Variants in ZNF28 observed in about 807,000 individuals in gnomAD.
ZNF28 encodes zinc finger protein KOX24.
In ZNF28, 5 loss-of-function variants were observed where a neutral mutation model predicts 7.2. That is an observed-to-expected ratio of 0.70 (90% CI 0.36 to 1.46). The LOEUF is 1.46. Ranked by LOEUF, ZNF28 falls within the 40% of genes most tolerant of loss-of-function variation. ZNF28 has a pLI of 0.03. For missense variants in ZNF28, 879 were observed against 866.6 expected (o/e 1.01, Z -0.18); for synonymous variants, 288 against 292.4 (o/e 0.99, Z 0.15).
At chr19:52,817,855 A>G (rs1476200232) in intron 2 of ZNF28, 89 bp downstream of exon 2, 6 of 1,593,420 alleles carry the variant, frequency 3.8e-6, no homozygotes, top group African/African-American at 2.7e-5. Context: ...CAGGCAGGAC[A>G]CTTCAGACTC....
In ZNF28 at chr19:52,815,762, T is replaced by G. The variant is rs529314143; in HGVS notation, c.15+2182A>C. ...ATGGTGTGAACCCAGGAGGCGGAGCTTGCAGTGAGCCGAGATTGCACCACT... is the reference window on the plus strand; with the variant it reads ...ATGGTGTGAACCCAGGAGGCGGAGCGTGCAGTGAGCCGAGATTGCACCACT... On this transcript the variant is annotated intron_variant, in intron 2 of 3. Transcript: ENST00000457749. Among the ~76,000 whole-genome samples, 107 of 146,092 alleles carry G rather than the reference T, an allele frequency of 7.3e-4. 7 individuals carry two copies. Among genetic ancestry groups the G allele is most frequent in the Non-Finnish European group, 1.1e-3 (77 of 67,586 alleles).
chr19:52,820,986 T>G (rs1228831185), intron 1 of ZNF28, among the ~76,000 whole-genome samples: 1 of 152,000 alleles, frequency 6.6e-6, no homozygotes, highest in East Asian at 1.9e-4. Flanking sequence ...GAGAAGCGCA[T>G]TTTCCCAGAG....
intron 1 of ZNF28, among the ~76,000 whole-genome samples, chr19:52,819,096 C>G (rs1248523002): frequency 2.1e-5 from 3 of 139,826 alleles, no homozygotes; most frequent in African/African-American, 5.6e-5. Flanking sequence ...CAACCTGAGA[C>G]AGGAAGGATT....
intron 3 of ZNF28, among the ~76,000 whole-genome samples, chr19:52,802,492 A>G (rs1283273448): frequency 1.3e-5 from 2 of 152,158 alleles, no homozygotes; most frequent in African/African-American, 2.4e-5. Flanking sequence ...AGCCTGGCCA[A>G]TGTGGCAAAA....
intron 1 of ZNF28, among the ~76,000 whole-genome samples, chr19:52,820,538 C>T (rs1347175509): frequency 3.9e-5 from 6 of 152,032 alleles, no homozygotes; most frequent in Non-Finnish European, 8.8e-5. Flanking sequence ...TGTTATAACC[C>T]CCTGGACCCA....
intron 2 of ZNF28, among the ~76,000 whole-genome samples, chr19:52,815,933 G>A (rs1206020815): frequency 6.8e-6 from 1 of 147,236 alleles, no homozygotes; most frequent in Non-Finnish European, 1.5e-5. Flanking sequence ...ACCTTCACAT[G>A]TAGCCCCAAA....
At chr19:52,819,154 G>A (rs1820302048) in intron 1 of ZNF28, among the ~76,000 whole-genome samples, 1 of 139,010 alleles carries the variant, frequency 7.2e-6, no homozygotes, top group African/African-American at 2.8e-5. Flanking sequence ...GGCAGAGGGA[G>A]TCAGATGAGG....
Position 52,800,273 on chromosome 19 carries a change from CAT to C in ZNF28, c.1570_1571del (p.Met524ValfsTer2), listed in dbSNP as rs2062846475. The C allele has an allele frequency of 2.5e-6, 4 of 1,613,312 alleles. No homozygotes were observed. Among genetic ancestry groups the C allele is most frequent in the African/African-American group, 1.3e-5 (1 of 74,808 alleles). On this transcript the variant is annotated frameshift_variant, in exon 4 of 4. Transcript: ENST00000457749. LOFTEE classifies it low-confidence loss of function (END_TRUNC). ...QRVHTGEKPY[M>X]CNECGKVFST... Reference sequence around the variant, plus strand: ...TAAAAACCTTGCCACATTCATTACACATGTATGGTTTCTCTCCAGTATGAACT... The same window carrying C: ...TAAAAACCTTGCCACATTCATTACACGTATGGTTTCTCTCCAGTATGAACT...
At chr19:52,817,583 T>C (rs1056795348) in intron 2 of ZNF28, among the ~76,000 whole-genome samples, 31 of 152,086 alleles carry the variant, frequency 2.0e-4, no homozygotes, top group African/African-American at 7.5e-4. Context: ...AATACTTGAC[T>C]CCCATTGGCA....
At position 52,800,191 on chromosome 19, in the gene ZNF28, T is replaced by C. The variant is rs775855134; in HGVS notation, c.1654A>G (p.Lys552Glu). Residue 552 changes from lysine to glutamate, a missense_variant, in exon 4 of 4, where the codon AAA (lysine) becomes GAA (glutamate). By Grantham distance (56) the Lys-to-Glu change is moderately conservative. Transcript: ENST00000457749. The stretch of plus-strand genomic sequence containing the variant: ...AAAACTTTCTCACATTCTTCACATT[T>C]GTACGGTTTCTCTGCAGTATGAAGT... ...HKLHTAEKPY[K>E]CEECEKVFSR... is the part of the protein sequence containing the mutation. 63 of 1,613,368 alleles carry C rather than the reference T, an allele frequency of 3.9e-5. No homozygotes were observed. Among genetic ancestry groups the C allele is most frequent in the Non-Finnish European group, 5.2e-5 (61 of 1,179,864 alleles).
At chr19:52,809,912 C>G in intron 2 of ZNF28, 1 of 836,512 alleles carries the variant, frequency 1.2e-6, no homozygotes, top group Non-Finnish European at 2.0e-6. Flanking sequence ...ATCTTGTGCC[C>G]GGGGCCGGTG....
intron 2 of ZNF28, 105 bp from the exon 3 acceptor site, chr19:52,808,238 C>T (rs1343192984): frequency 6.5e-7 from 1 of 1,535,994 alleles, no homozygotes; most frequent in African/African-American, 1.4e-5. Context: ...AGTGAATGTT[C>T]TCACAAATCC....
In ZNF28 at chr19:52,798,355, G is replaced by C. The variant is rs964931247; in HGVS notation, c.*1333C>G. 1 of 341,684 alleles carries C rather than the reference G, an allele frequency of 2.9e-6. No individual in the cohort carries two copies. Among genetic ancestry groups the C allele is most frequent in the Admixed American group, 4.2e-5 (1 of 23,886 alleles). The allele number at this position is 341,684 out of a possible 1,614,324, so 21.2% of individuals were successfully genotyped here. A position where few individuals can be genotyped will look rare whatever the true frequency, so the allele number is the denominator to read the frequency against. On this transcript the variant is annotated 3_prime_UTR_variant, in exon 4 of 4. Transcript: ENST00000457749. ...AATTAATGCTTAAACTCAATGTTAAGTCAACTCAAACTCAGGTCAGTGCTC... is the reference window on the plus strand; with the variant it reads ...AATTAATGCTTAAACTCAATGTTAACTCAACTCAAACTCAGGTCAGTGCTC...
chr19:52,807,415 G>C (rs1247481717), intron 3 of ZNF28, among the ~76,000 whole-genome samples: 1 of 152,158 alleles, frequency 6.6e-6, no homozygotes, highest in African/African-American at 2.4e-5. Flanking sequence ...CTACAGAATC[G>C]AAAGCACAGG....
At chr19:52,807,985 A>T in intron 3 of ZNF28, 22 bp downstream of exon 3, 1 of 1,612,634 alleles carries the variant, frequency 6.2e-7, no homozygotes, top group South Asian at 1.1e-5. Context: ...ACAAGGGCAC[A>T]TCCCCAGGAG....
rs550905955 is a variant in ZNF28 at position 52,818,991 on chromosome 19, G to A, written c.-73-960C>T. ...TGGGCAGAGGGAACTTCAGATGGGG[G>A]TGGGAGGGCATGGGAGACAGCTCTG... is the stretch of plus-strand genomic sequence containing the variant. On this transcript the variant is annotated intron_variant, in intron 1 of 3. Coordinates refer to ENST00000457749, the MANE Select transcript of ZNF28 (RefSeq NM_006969.5). Among the ~76,000 whole-genome samples the A allele has an allele frequency of 3.5e-5, 5 of 143,542 alleles. No homozygotes were observed. The South Asian group carries it at 1.2e-3, about 34-fold the overall frequency. The allele number at this position is 143,542 out of a possible 152,430, so 94.2% of individuals were successfully genotyped here. A position where few individuals can be genotyped will look rare whatever the true frequency, so the allele number is the denominator to read the frequency against.
chr19:52,809,603 C>G (rs1020215742), intron 2 of ZNF28, among the ~76,000 whole-genome samples: 4 of 152,096 alleles, frequency 2.6e-5, no homozygotes, highest in Admixed American at 2.6e-4. Context: ...GTCAAGAGTT[C>G]AAGACCAGCA....
intron 2 of ZNF28, among the ~76,000 whole-genome samples, chr19:52,810,882 TCCC>T (rs1568655841): frequency 5.9e-4 from 3 of 5,072 alleles, no homozygotes; most frequent in African/African-American, 2.0e-3. Flanking sequence ...CCCCTCCCCC[TCCC>T]CCTCCCCCTC....
intron 3 of ZNF28, among the ~76,000 whole-genome samples, chr19:52,804,827 A>T (rs906118761): frequency 6.6e-5 from 10 of 152,220 alleles, no homozygotes; most frequent in African/African-American, 2.4e-4. Flanking sequence ...TTCTAACAGG[A>T]CAGTGAAATG....
Sources: gnomAD v4.1 joint callset for allele counts (sites outside exome capture counted in the v4.1 genomes callset) on GRCh38, gnomAD v4.1.1 for gene constraint, MANE v1.5 for transcripts, NCBI Gene and HGNC (gene_info 2026-07-23, HGNC 2026-07-21) for gene names.